Variants in ACTA2 observed in about 807,000 individuals in gnomAD.
ACTA2 encodes the protein actin, aortic smooth muscle.
In ACTA2, 12 loss-of-function variants were observed where a neutral mutation model predicts 39.5. The ratio of observed to expected loss-of-function variants is 0.30; its 90% CI spans 0.19 to 0.49. ACTA2 has a LOEUF of 0.49. Ranked by LOEUF, ACTA2 falls within the 20% of genes least tolerant of loss-of-function variation. The probability of loss-of-function intolerance (pLI) is 0.99; values close to 1 mark genes in which losing one functional copy is unlikely to be tolerated. For synonymous variants in ACTA2, 158 were observed against 180.6 expected, an observed-to-expected ratio of 0.88 and a Z score of 1.00; for missense variants, 236 against 498.8, an observed-to-expected ratio of 0.47 and a Z score of 5.02.
chr10:88,988,958 G>C (rs534729637), intron 1 of ACTA2, among the ~76,000 whole-genome samples: 1 of 152,160 alleles, frequency 6.6e-6, no homozygotes, highest in Admixed American at 6.5e-5. Context: ...TTGAACTTGA[G>C]GATAATTAGA....
intron 1 of ACTA2, among the ~76,000 whole-genome samples, chr10:88,950,033 G>A (rs1322853342): frequency 6.6e-6 from 1 of 152,088 alleles, no homozygotes; most frequent in Non-Finnish European, 1.5e-5. Context: ...TTACAAATTT[G>A]AGAAATTGAA....
chr10:88,958,029 G>A (rs965743920), intron 1 of ACTA2, among the ~76,000 whole-genome samples: 5 of 152,076 alleles, frequency 3.3e-5, no homozygotes, highest in Non-Finnish European at 5.9e-5. Context: ...GCCTCCCAAA[G>A]TGCTGGGATT....
rs371419220 is a variant in ACTA2 at position 88,973,265 on chromosome 10, C to T, written c.-24+17674G>A. 1.0e-4 allele frequency: 163 copies of T among 1,612,446 alleles called. 1 individual carries two copies. The African/African-American group carries it at 2.0e-3, about 19-fold the overall frequency. On this transcript the variant is annotated intron_variant, in intron 1 of 4. Transcript: ENST00000415557. ...AAATTGGCTATGGACCAAATGGATTCCCACTCTTGGGGATCTCTAGGTCAT... is the reference window on the plus strand; with the variant it reads ...AAATTGGCTATGGACCAAATGGATTTCCACTCTTGGGGATCTCTAGGTCAT...
chr10:88,983,440 G>A (rs7910660), intron 1 of ACTA2, among the ~76,000 whole-genome samples: 83,525 of 151,862 alleles, frequency 0.55, 24,513 homozygotes, highest in African/African-American at 0.77. Flanking sequence ...GGCCACTGAG[G>A]TAACTAAAGA....
intron 1 of ACTA2, among the ~76,000 whole-genome samples, chr10:88,983,609 CAAAAAAAAAAAAA>C (rs71022549): frequency 1.5e-4 from 7 of 46,430 alleles, no homozygotes; most frequent in Admixed American, 7.2e-4. Flanking sequence ...ACAGGTTATG[CAAAAAAAAAAAAA>C]AAAAAAAAAA....
intron 8 of ACTA2, among the ~76,000 whole-genome samples, chr10:88,937,150 CTT>C (rs981217516): frequency 1.4e-5 from 2 of 146,318 alleles, no homozygotes; most frequent in Non-Finnish European, 3.0e-5. Flanking sequence ...ATGCTGAAGT[CTT>C]TTAGGGCAGG....
chr10:88,991,224 G>T, exon 1 of ACTA2: 1 of 539,648 alleles, frequency 1.9e-6, no homozygotes, highest in Non-Finnish European at 3.3e-6. Context: ...TGGGCGTGGG[G>T]TGCGGACAGG....
intron 1 of ACTA2, among the ~76,000 whole-genome samples, chr10:88,963,669 G>A (rs1183270126): frequency 1.3e-5 from 2 of 152,112 alleles, no homozygotes; most frequent in African/African-American, 2.4e-5. Context: ...TTTGATTTTT[G>A]TCTGCAGCCA....
At chr10:88,945,852 A>C (rs1170686179) in intron 3 of ACTA2, among the ~76,000 whole-genome samples, 2 of 152,024 alleles carry the variant, frequency 1.3e-5, no homozygotes, top group African/African-American at 4.8e-5. Context: ...GTTTAAGACT[A>C]CTCCCAGCAT....
intron 8 of ACTA2, among the ~76,000 whole-genome samples, chr10:88,936,518 G>T (rs926154319): frequency 3.3e-5 from 5 of 152,016 alleles, no homozygotes; most frequent in Admixed American, 6.6e-5. Flanking sequence ...CTCTTCTTCC[G>T]AGTTCACATG....
chr10:88,953,985 GAT>G (rs1846093717), upstream of ACTA2, among the ~76,000 whole-genome samples: 1 of 152,144 alleles, frequency 6.6e-6, no homozygotes, highest in Non-Finnish European at 1.5e-5. Flanking sequence ...AATGGACTAA[GAT>G]ACCAGGTGAC....
rs189690679 is a variant in ACTA2, at chr10:88,984,830, C to T, written c.-24+6109G>A. Among the ~76,000 whole-genome samples, 17 of 152,276 alleles carry T rather than the reference C, an allele frequency of 1.1e-4. No homozygotes were observed. In the East Asian group the frequency reaches 3.3e-3, roughly 29 times the overall value. On this transcript the variant is annotated intron_variant, in intron 1 of 4. Coordinates refer to the ACTA2 transcript ENST00000415557. ...CTGATCAGAGGCAATAATGGGAGAC[C>T]ATGGGAGGGGAGAGCCTGATCTGAT... is the stretch of plus-strand genomic sequence containing the variant.
intron 1 of ACTA2, among the ~76,000 whole-genome samples, chr10:88,978,247 T>C (rs1373697757): frequency 1.8e-5 from 2 of 111,920 alleles, no homozygotes; most frequent in African/African-American, 7.0e-5. Flanking sequence ...TGGGGACTGT[T>C]GTGGGGTGGG....
rs373232511 is a variant in ACTA2, at chr10:88,948,871, C to T, written c.60G>A (p.Lys20=). 4.7e-5 allele frequency: 76 copies of T among 1,613,882 alleles called. No individual in the cohort carries two copies. Among genetic ancestry groups the T allele is most frequent in the Middle Eastern group, 3.3e-4 (2 of 6,080 alleles). ...GAGCATCGTCCCCAGCAAAGCCGGC[C>T]TTACAGAGCCCAGAGCCATTGTCAC... The part of the protein sequence containing the change: ...LVCDNGSGLC[K]AGFAGDDAPR... The change falls in exon 2 of 9, where the codon AAG becomes AAA. Residue 20 remains lysine, a synonymous_variant. Coordinates refer to ENST00000224784, the MANE Select transcript of ACTA2 (RefSeq NM_001613.4).
chr10:88,947,716 A>G (rs1006958973), intron 2 of ACTA2, among the ~76,000 whole-genome samples: 3 of 152,222 alleles, frequency 2.0e-5, no homozygotes, highest in Non-Finnish European at 2.9e-5. Flanking sequence ...CATGGCACAT[A>G]TGTGGCACTC....
In ACTA2 at chr10:88,940,570, C is replaced by T. The variant is rs76524414; in HGVS notation, c.616+659G>A. On this transcript the variant is annotated intron_variant, in intron 6 of 8. Coordinates refer to ENST00000224784, the MANE Select transcript of ACTA2 (RefSeq NM_001613.4). ...CTAAGGGGAGGACAGGTAGCTGGAG[C>T]CACCAGCACTGAGGACATACAATGT... 5.0e-3 allele frequency: 801 copies of T among 158,712 alleles called. 13 individuals are homozygous for T. Among genetic ancestry groups the T allele is most frequent in the African/African-American group, 0.019 (775 of 41,576 alleles). The allele number at this position is 158,712 out of a possible 1,614,324, so 9.8% of individuals were successfully genotyped here.
In ACTA2 at chr10:88,948,957, T is replaced by C. The variant is rs766873294; in HGVS notation, c.-23-4A>G. ...GCTGGAGCTGCTTCACAGGATTCTA[T>C]AGAAAACAGGGAGGAAGCAGCCTCA... On this transcript the variant is annotated splice_region_variant and splice_polypyrimidine_tract_variant and intron_variant, in intron 1 of 8. Transcript: ENST00000224784. 6 of 1,613,058 alleles carry C rather than the reference T, an allele frequency of 3.7e-6. No individual in the cohort carries two copies. The highest frequency in any genetic ancestry group is 2.7e-5 in the African/African-American group (2 of 74,868).
At chr10:88,985,515 A>G (rs985628161) in intron 1 of ACTA2, among the ~76,000 whole-genome samples, 3 of 152,012 alleles carry the variant, frequency 2.0e-5, no homozygotes, top group Admixed American at 1.3e-4. Flanking sequence ...TTCTCCTCCA[A>G]CATCCCATTC....
At chr10:88,974,513 T>G (rs1433257132) in intron 1 of ACTA2, 1 of 152,170 alleles carries the variant, frequency 6.6e-6, no homozygotes, top group Non-Finnish European at 1.5e-5. Flanking sequence ...GTGAGATCAG[T>G]TATTTATTTA....
Sources: allele counts gnomAD v4.1 joint callset (sites outside exome capture counted in the v4.1 genomes callset), GRCh38; gene constraint gnomAD v4.1.1; transcripts MANE v1.5; gene names NCBI Gene and HGNC (gene_info 2026-07-23, HGNC 2026-07-21).